The following CTNNA3 variants were observed in gnomAD, a reference collection of about 807,000 sequenced individuals.
CTNNA3 encodes the protein catenin alpha 3.
CTNNA3 carries 76 observed loss-of-function variants against 95.7 expected under a neutral mutation model. That is an observed-to-expected ratio of 0.79 (90% CI 0.66 to 0.96). The LOEUF is 0.96. CTNNA3 is among the 40% of genes least tolerant of loss of function. The probability of loss-of-function intolerance (pLI) is 0.00; values close to 1 mark genes in which losing one functional copy is unlikely to be tolerated. For synonymous variants in CTNNA3, 431 were observed against 374.4 expected (o/e 1.15, Z -1.74); for missense variants, 1,191 against 1,089.8 (o/e 1.09, Z -1.31).
chr10:66,556,712 G>A (rs1842401686), intron 10 of CTNNA3, among the ~76,000 whole-genome samples: 1 of 152,152 alleles, frequency 6.6e-6, no homozygotes, highest in South Asian at 2.1e-4. Flanking sequence ...CTGGTTATCA[G>A]GGGCAGAAAG....
intron 7 of CTNNA3, among the ~76,000 whole-genome samples, chr10:67,096,812 T>C (rs1858021087): frequency 6.6e-6 from 1 of 151,902 alleles, no homozygotes. Context: ...CAAACTAGCA[T>C]CATCCTTTGA....
intron 9 of CTNNA3, among the ~76,000 whole-genome samples, chr10:66,700,726 G>A (rs1020513136): frequency 3.3e-5 from 5 of 152,050 alleles, no homozygotes; most frequent in Non-Finnish European, 5.9e-5. Context: ...GCCCTAAATT[G>A]TTCATTTTGT....
intron 7 of CTNNA3, among the ~76,000 whole-genome samples, chr10:66,880,087 T>G (rs1020468684): frequency 6.6e-6 from 1 of 151,994 alleles, no homozygotes; most frequent in Admixed American, 6.6e-5. Flanking sequence ...AGGAAGACAG[T>G]ATGGAGACAA....
intron 17 of CTNNA3, among the ~76,000 whole-genome samples, chr10:65,963,470 C>A (rs1436423104): frequency 1.3e-5 from 2 of 152,174 alleles, no homozygotes; most frequent in East Asian, 3.9e-4. Flanking sequence ...AGGTTTGCGC[C>A]ACTTATGAAG....
At chr10:66,483,604 C>T (rs2456672) in intron 11 of CTNNA3, among the ~76,000 whole-genome samples, 22,880 of 151,938 alleles carry the variant, frequency 0.15, 3,595 homozygotes, top group East Asian at 0.77. Flanking sequence ...TTGTCTTTAC[C>T]TCCTACACCT....
At chr10:67,410,808 A>C (rs1008303929) in intron 5 of CTNNA3, among the ~76,000 whole-genome samples, 61 of 152,186 alleles carry the variant, frequency 4.0e-4, no homozygotes, top group Non-Finnish European at 2.9e-5. Flanking sequence ...CTAAGTGTCC[A>C]TCCACAGATG....
chr10:66,894,932 G>A (rs1311458787), intron 7 of CTNNA3, among the ~76,000 whole-genome samples: 1 of 150,082 alleles, frequency 6.7e-6, no homozygotes, highest in African/African-American at 2.4e-5. Context: ...TTTGCAAGAA[G>A]TTTAGAAAAT....
At chr10:67,543,655 T>G (rs1344787683) in intron 3 of CTNNA3, among the ~76,000 whole-genome samples, 1 of 152,158 alleles carries the variant, frequency 6.6e-6, no homozygotes, top group African/African-American at 2.4e-5. Flanking sequence ...TTCTAATATA[T>G]GCATCTGTCC....
At chr10:66,672,745 C>T (rs555436403) in intron 9 of CTNNA3, among the ~76,000 whole-genome samples, 6 of 152,132 alleles carry the variant, frequency 3.9e-5, no homozygotes, top group Admixed American at 2.6e-4. Context: ...GCAACACCCA[C>T]TATCTTAATA....
chr10:65,952,991 G>C (rs1231010402), intron 17 of CTNNA3, among the ~76,000 whole-genome samples: 2 of 152,200 alleles, frequency 1.3e-5, no homozygotes, highest in Admixed American at 6.5e-5. Flanking sequence ...CCAAAAAAAT[G>C]CTGACCCAAA....
At position 66,931,367 on chromosome 10, in the gene CTNNA3, C is replaced by T. The variant is rs374735968; in HGVS notation, c.1048-155843G>A. On this transcript the variant is annotated intron_variant, in intron 7 of 17. Coordinates refer to ENST00000433211, the MANE Select transcript of CTNNA3 (RefSeq NM_013266.4). Reference sequence around the variant, plus strand: ...CTACCACAGCATGTAGTTAAATAGTCCCAGTGCCACAGTCTTGTAAGCAAT... The same window carrying T: ...CTACCACAGCATGTAGTTAAATAGTTCCAGTGCCACAGTCTTGTAAGCAAT... Among the ~76,000 whole-genome samples, 28 of 152,212 alleles carry T rather than the reference C, an allele frequency of 1.8e-4. No homozygotes were observed. In the East Asian group the frequency reaches 3.7e-3, roughly 20 times the overall value.
Position 67,245,872 on chromosome 10 carries a change from A to G in CTNNA3, c.580-26002T>C, listed in dbSNP as rs974973278. ...TCTGTCTCCAAAAAAAAAAAAAAAA[A>G]AACCAGAGAATTATCTAGTTACAAC... On this transcript the variant is annotated intron_variant, in intron 5 of 17. Coordinates refer to ENST00000433211, the MANE Select transcript of CTNNA3 (RefSeq NM_013266.4). Among the ~76,000 whole-genome samples the G allele has an allele frequency of 6.6e-5, 10 of 151,988 alleles. No individual in the cohort carries two copies. In the South Asian group the frequency reaches 2.1e-3, roughly 32 times the overall value.
At chr10:66,079,520 T>G (rs188493373) in intron 14 of CTNNA3, among the ~76,000 whole-genome samples, 23 of 152,118 alleles carry the variant, frequency 1.5e-4, no homozygotes, top group African/African-American at 5.1e-4. Flanking sequence ...TTACTATGTA[T>G]GTATTAAATG....
At position 66,981,920 on chromosome 10, in the gene CTNNA3, A is replaced by C. The variant is rs367894172; in HGVS notation, c.1047+198397T>G. Reference sequence around the variant, plus strand: ...ATCAAAAGAACAAAGAGAAAATGAAATCCACAGGAAGCTCCCAAAGGCTGC... The same window carrying C: ...ATCAAAAGAACAAAGAGAAAATGAACTCCACAGGAAGCTCCCAAAGGCTGC... On this transcript the variant is annotated intron_variant, in intron 7 of 17. Transcript: ENST00000433211. Among the ~76,000 whole-genome samples the C allele has an allele frequency of 3.3e-5, 5 of 152,172 alleles. No individual in the cohort carries two copies. In the East Asian group the frequency reaches 9.6e-4, roughly 29 times the overall value.
chr10:67,636,580 T>C (rs1347599485), intron 2 of CTNNA3, among the ~76,000 whole-genome samples: 1 of 152,230 alleles, frequency 6.6e-6, no homozygotes, highest in Non-Finnish European at 1.5e-5. Context: ...AAAGATTTCC[T>C]ATTTAATAAA....
At chr10:66,851,070 T>C (rs1407585825) in intron 7 of CTNNA3, among the ~76,000 whole-genome samples, 1 of 152,168 alleles carries the variant, frequency 6.6e-6, no homozygotes, top group Admixed American at 6.5e-5. Flanking sequence ...CCTCTCACCC[T>C]GGCAAAGACA....
intron 7 of CTNNA3, among the ~76,000 whole-genome samples, chr10:67,149,577 T>A (rs1245673116): frequency 1.3e-5 from 2 of 151,854 alleles, no homozygotes; most frequent in Admixed American, 1.3e-4. Context: ...AGAGATAGAC[T>A]CCGTCTCAAA....
chr10:67,527,623 A>G (rs1001177810), intron 4 of CTNNA3, among the ~76,000 whole-genome samples: 2 of 152,238 alleles, frequency 1.3e-5, no homozygotes, highest in African/African-American at 4.8e-5. Context: ...ATGTTTTAAC[A>G]ATTTTAATTT....
At chr10:67,244,964 C>T (rs1480929715) in intron 5 of CTNNA3, among the ~76,000 whole-genome samples, 3 of 152,206 alleles carry the variant, frequency 2.0e-5, no homozygotes, top group Admixed American at 1.3e-4. Context: ...TCTCTCATAT[C>T]CCACATCCAG....
Sources: allele counts gnomAD v4.1 joint callset (sites outside exome capture counted in the v4.1 genomes callset), GRCh38; gene constraint gnomAD v4.1.1; transcripts MANE v1.5; gene names NCBI Gene and HGNC (gene_info 2026-07-23, HGNC 2026-07-21).